Variants in FRMD4A observed in about 807,000 individuals in gnomAD.
FRMD4A encodes FERM domain containing 4A, also known as FERM domain-containing protein 4A.
In FRMD4A, 29 loss-of-function variants were observed where a neutral mutation model predicts 129.1. The ratio of observed to expected loss-of-function variants is 0.22; its 90% CI spans 0.17 to 0.31. The LOEUF is 0.31. FRMD4A is among the 10% of genes least tolerant of loss of function. The pLI is 1.00. For synonymous variants in FRMD4A, 634 were observed against 571.6 expected, an observed-to-expected ratio of 1.11 and a Z score of -1.56; for missense variants, 1,272 against 1,375.8, an observed-to-expected ratio of 0.92 and a Z score of 1.19.
intron 2 of FRMD4A, among the ~76,000 whole-genome samples, chr10:14,314,058 C>T (rs1846649093): frequency 6.6e-6 from 1 of 152,160 alleles, no homozygotes; most frequent in Non-Finnish European, 1.5e-5. Context: ...TATGGGAAAA[C>T]CAGATAGCCA....
chr10:14,269,082 A>G (rs1002688051), intron 2 of FRMD4A, among the ~76,000 whole-genome samples: 2 of 152,216 alleles, frequency 1.3e-5, no homozygotes, highest in Non-Finnish European at 2.9e-5. Context: ...ATGAAGTCCC[A>G]TGATAATAGC....
chr10:14,314,493 T>C (rs1846664898), intron 2 of FRMD4A, among the ~76,000 whole-genome samples: 2 of 152,184 alleles, frequency 1.3e-5, no homozygotes, highest in African/African-American at 4.8e-5. Context: ...GGAAGTGTTC[T>C]GGGGAGCTTC....
At chr10:14,043,369 T>G (rs1033105339) in intron 2 of FRMD4A, among the ~76,000 whole-genome samples, 2 of 152,220 alleles carry the variant, frequency 1.3e-5, no homozygotes, top group African/African-American at 4.8e-5. Flanking sequence ...GAATGTGTAT[T>G]TATATTTTAT....
At chr10:13,959,446 C>T (rs368064885) in intron 2 of FRMD4A, among the ~76,000 whole-genome samples, 24 of 142,688 alleles carry the variant, frequency 1.7e-4, no homozygotes, top group Non-Finnish European at 2.7e-4. Context: ...CACTCCCCTC[C>T]GGGTGACAGA....
Position 14,330,737 on chromosome 10 carries a change from C to G in FRMD4A, c.-222G>C. The G allele has an allele frequency of 2.5e-6, 1 of 398,908 alleles. No individual in the cohort carries two copies. The highest frequency in any genetic ancestry group is 4.4e-6 in the Non-Finnish European group (1 of 226,302). The allele number at this position is 398,908 out of a possible 1,614,324, so 24.7% of individuals were successfully genotyped here. On this transcript the variant is annotated 5_prime_UTR_variant, in exon 1 of 25. Transcript: ENST00000357447. ...GGAGATCAGCAAATGCCCTTACCATCCCCGAGGAGGAAGTCACTTAGGAAC... is the reference window on the plus strand; with the variant it reads ...GGAGATCAGCAAATGCCCTTACCATGCCCGAGGAGGAAGTCACTTAGGAAC...
chr10:14,303,944 T>C (rs983561237), intron 2 of FRMD4A, among the ~76,000 whole-genome samples: 41 of 152,226 alleles, frequency 2.7e-4, no homozygotes, highest in African/African-American at 8.4e-4. Flanking sequence ...GGTTCATCCA[T>C]GTTGTAGCAT....
intron 2 of FRMD4A, among the ~76,000 whole-genome samples, chr10:14,089,835 G>A (rs966155258): frequency 6.6e-6 from 1 of 152,188 alleles, no homozygotes; most frequent in African/African-American, 2.4e-5. Flanking sequence ...TTTCCAAACC[G>A]TGTTTTGTTT....
At chr10:14,306,532 T>C (rs1315992570) in intron 2 of FRMD4A, among the ~76,000 whole-genome samples, 3 of 152,258 alleles carry the variant, frequency 2.0e-5, no homozygotes, top group South Asian at 4.1e-4. Context: ...TAGCAGGTCC[T>C]GAGCAACTCT....
chr10:13,792,590 T>G (rs796665213), intron 5 of FRMD4A, among the ~76,000 whole-genome samples: 12 of 152,274 alleles, frequency 7.9e-5, no homozygotes, highest in African/African-American at 2.9e-4. Context: ...TCTTTTTAAT[T>G]CGGAATAATC....
At chr10:14,183,809 A>C (rs1292851269) in intron 2 of FRMD4A, among the ~76,000 whole-genome samples, 1 of 152,200 alleles carries the variant, frequency 6.6e-6, no homozygotes, top group Non-Finnish European at 1.5e-5. Flanking sequence ...TGGCATTTTG[A>C]TCAGGTGTGA....
intron 6 of FRMD4A, among the ~76,000 whole-genome samples, chr10:13,770,218 C>A (rs964041491): frequency 6.6e-6 from 1 of 152,078 alleles, no homozygotes; most frequent in Non-Finnish European, 1.5e-5. Flanking sequence ...GAGACTGATG[C>A]GATCTCGCAC....
chr10:13,743,588 C>T (rs774452823), intron 9 of FRMD4A, among the ~76,000 whole-genome samples: 16 of 152,116 alleles, frequency 1.1e-4, no homozygotes, highest in Non-Finnish European at 1.8e-4. Flanking sequence ...CAGAAAGCCG[C>T]GTCGCTGTTT....
intron 2 of FRMD4A, among the ~76,000 whole-genome samples, chr10:14,006,353 T>C (rs529815066): frequency 1.3e-5 from 2 of 152,208 alleles, no homozygotes; most frequent in African/African-American, 4.8e-5. Flanking sequence ...CCCTGTGTGC[T>C]TTGAAGGCAA....
intron 2 of FRMD4A, among the ~76,000 whole-genome samples, chr10:13,954,005 A>G (rs563507977): frequency 6.6e-6 from 1 of 152,340 alleles, no homozygotes; most frequent in South Asian, 2.1e-4. Context: ...AGCAGCCGGT[A>G]CTTATCCCTT....
intron 2 of FRMD4A, among the ~76,000 whole-genome samples, chr10:14,063,107 G>C (rs571588495): frequency 7.9e-5 from 12 of 152,148 alleles, no homozygotes; most frequent in African/African-American, 2.9e-4. Flanking sequence ...ATGATATTAA[G>C]AGCTTTACAC....
intron 2 of FRMD4A, among the ~76,000 whole-genome samples, chr10:14,131,925 T>C (rs1385624418): frequency 1.3e-5 from 2 of 152,198 alleles, no homozygotes; most frequent in Non-Finnish European, 2.9e-5. Flanking sequence ...AGACCCCTGC[T>C]TTGTTCACAG....
intron 2 of FRMD4A, among the ~76,000 whole-genome samples, chr10:14,061,387 G>A (rs919394437): frequency 1.1e-4 from 17 of 152,110 alleles, no homozygotes; most frequent in Admixed American, 6.5e-4. Flanking sequence ...GGAGGCGGAG[G>A]TTGCAATGAG....
At chr10:13,970,740 G>A (rs886560923) in intron 2 of FRMD4A, among the ~76,000 whole-genome samples, 18 of 152,156 alleles carry the variant, frequency 1.2e-4, no homozygotes, top group Admixed American at 1.0e-3. Flanking sequence ...CCTCTCAGGC[G>A]GGGCTGGGGC....
intron 2 of FRMD4A, among the ~76,000 whole-genome samples, chr10:14,200,141 C>T (rs1361690705): frequency 6.7e-6 from 1 of 149,972 alleles, no homozygotes; most frequent in Non-Finnish European, 1.5e-5. Flanking sequence ...GATCCTCCTG[C>T]CTCAGCTTCC....
Sources: gnomAD v4.1 joint callset for allele counts (sites outside exome capture counted in the v4.1 genomes callset) on GRCh38, gnomAD v4.1.1 for gene constraint, MANE v1.5 for transcripts, NCBI Gene and HGNC (gene_info 2026-07-23, HGNC 2026-07-21) for gene names.